The following ARID2 variants were observed in gnomAD, a reference collection of about 807,000 sequenced individuals.
The protein encoded by ARID2 is AT-rich interactive domain-containing protein 2.
Under a neutral mutation model 184.6 loss-of-function variants are expected in ARID2, and 32 were observed. That is an observed-to-expected ratio of 0.17 (90% CI 0.13 to 0.23). The LOEUF (loss-of-function observed/expected upper bound fraction) is 0.23, where lower values mean the gene tolerates loss of function less well. Among genes scored for constraint, ARID2 ranks in the 10% least tolerant of loss-of-function variants. The pLI is 1.00. For missense variants in ARID2, 1,696 were observed against 2,197.6 expected (o/e 0.77, Z 4.56); for synonymous variants, 836 against 772.6 (o/e 1.08, Z -1.36).
At chr12:45,830,093 A>G in intron 6 of ARID2, among the ~76,000 whole-genome samples, 1 of 149,866 alleles carries the variant, frequency 6.7e-6, no homozygotes, top group Middle Eastern at 3.6e-3. Context: ...AACAAAATAT[A>G]TAAATATATA....
intron 16 of ARID2, among the ~76,000 whole-genome samples, chr12:45,882,885 A>G (rs1944126757): frequency 6.6e-6 from 1 of 152,204 alleles, no homozygotes; most frequent in Non-Finnish European, 1.5e-5. Context: ...TTTAACTAAC[A>G]TATTTTTGAC....
At chr12:45,869,449 C>T (rs970275134) in intron 16 of ARID2, among the ~76,000 whole-genome samples, 5 of 151,544 alleles carry the variant, frequency 3.3e-5, no homozygotes, top group African/African-American at 7.3e-5. Context: ...GACTTTTCTT[C>T]GCATGAATTT....
rs144840023 is a variant in ARID2 at position 45,880,427 on chromosome 12, C to T, written c.4923-11353C>T. Among the ~76,000 whole-genome samples, 412 of 152,270 alleles carry T rather than the reference C, an allele frequency of 2.7e-3. 3 individuals are homozygous for T. Among genetic ancestry groups the T allele is most frequent in the African/African-American group, 9.3e-3 (387 of 41,550 alleles). On this transcript the variant is annotated intron_variant, in intron 16 of 20. Coordinates refer to ENST00000334344, the MANE Select transcript of ARID2 (RefSeq NM_152641.4). ...CAAGTGATGTTGAGGTTCAAATCAC[C>T]AGGTTCCTACTGAACCTTATACAGT...
intron 12 of ARID2, among the ~76,000 whole-genome samples, chr12:45,848,464 A>G (rs1248940563): frequency 6.6e-6 from 1 of 152,084 alleles, no homozygotes. Flanking sequence ...TACAATGCAA[A>G]TAGCACGTAA....
intron 3 of ARID2, among the ~76,000 whole-genome samples, chr12:45,763,397 G>A (rs1264989813): frequency 6.6e-6 from 1 of 151,996 alleles, no homozygotes; most frequent in Non-Finnish European, 1.5e-5. Flanking sequence ...TTGAACCCAG[G>A]AGGCGGAGGT....
chr12:45,751,187 A>G (rs1941459125), intron 3 of ARID2, among the ~76,000 whole-genome samples: 1 of 152,206 alleles, frequency 6.6e-6, no homozygotes, highest in Non-Finnish European at 1.5e-5. Context: ...AAATCGTTAG[A>G]CAAACTGGAC....
chr12:45,888,316 A>G (rs1944232398), intron 16 of ARID2, among the ~76,000 whole-genome samples: 1 of 152,376 alleles, frequency 6.6e-6, no homozygotes, highest in Non-Finnish European at 1.5e-5. Context: ...AGAGGAAGAC[A>G]AGCTCTAAAA....
intron 3 of ARID2, among the ~76,000 whole-genome samples, chr12:45,742,286 A>G (rs567567606): frequency 1.3e-5 from 2 of 152,334 alleles, no homozygotes; most frequent in South Asian, 4.1e-4. Flanking sequence ...GTGTTTAGAT[A>G]TGTTTAGATA....
chr12:45,831,793 T>C (rs1943128134), intron 6 of ARID2, among the ~76,000 whole-genome samples: 1 of 152,190 alleles, frequency 6.6e-6, no homozygotes, highest in Admixed American at 6.5e-5. Flanking sequence ...TTCAGTTCTG[T>C]CAGTTTTTAC....
intron 3 of ARID2, chr12:45,789,795 T>C (rs1414201523): frequency 6.6e-6 from 1 of 152,166 alleles, no homozygotes; most frequent in Non-Finnish European, 1.5e-5. Context: ...AATGTGACCC[T>C]TCTTGAACCA....
intron 3 of ARID2, among the ~76,000 whole-genome samples, chr12:45,752,138 C>T (rs974638465): frequency 3.9e-5 from 6 of 152,078 alleles, no homozygotes; most frequent in Non-Finnish European, 2.9e-5. Flanking sequence ...TAATAGTACA[C>T]AATTTAGAAG....
At chr12:45,738,900 C>G (rs1279906245) in intron 3 of ARID2, among the ~76,000 whole-genome samples, 1 of 149,110 alleles carries the variant, frequency 6.7e-6, no homozygotes, top group Non-Finnish European at 1.5e-5. Flanking sequence ...TTTTCAGACC[C>G]TACTTTCCCT....
chr12:45,899,466 C>T (rs1210784985), intron 20 of ARID2, among the ~76,000 whole-genome samples: 8 of 149,074 alleles, frequency 5.4e-5, no homozygotes, highest in Admixed American at 3.4e-4. Flanking sequence ...ATTAGCTGGG[C>T]GTGGTGGCGG....
intron 20 of ARID2, among the ~76,000 whole-genome samples, chr12:45,901,154 A>ATTTTTTTTTTTTTTT (rs71067909): frequency 1.1e-4 from 5 of 44,972 alleles, no homozygotes; most frequent in Admixed American, 3.1e-4. Flanking sequence ...AATTTCCTTA[A>ATTTTTTTTTTTTTTT]TTTTTTTTTT....
chr12:45,847,488 T>C (rs1364313913), intron 12 of ARID2, among the ~76,000 whole-genome samples: 5 of 152,096 alleles, frequency 3.3e-5, no homozygotes, highest in Non-Finnish European at 7.4e-5. Flanking sequence ...TAGTCCTATC[T>C]GCACCACTTT....
At chr12:45,744,164 T>G (rs978306025) in intron 3 of ARID2, among the ~76,000 whole-genome samples, 8 of 152,320 alleles carry the variant, frequency 5.3e-5, no homozygotes, top group Middle Eastern at 3.4e-3. Flanking sequence ...GGAAACATCT[T>G]TTCTTTGCCT....
chr12:45,867,917 T>C (rs1331982072), intron 16 of ARID2, among the ~76,000 whole-genome samples: 1 of 152,130 alleles, frequency 6.6e-6, no homozygotes, highest in East Asian at 1.9e-4. Flanking sequence ...CAACTATTAA[T>C]ATAATAACAT....
Position 45,780,258 on chromosome 12 carries a change from C to T in ARID2, c.285-31160C>T, listed in dbSNP as rs562181497. ...TTAGGGATGAGGGGGTAGAATTTAT[C>T]TTGAAAATTAAAATAACCATAAACA... On this transcript the variant is annotated intron_variant, in intron 3 of 20. Coordinates refer to ENST00000334344, the MANE Select transcript of ARID2 (RefSeq NM_152641.4). 5.3e-5 allele frequency among the ~76,000 whole-genome samples: 8 copies of T among 152,250 alleles called. No individual in the cohort carries two copies. In the South Asian group the frequency reaches 1.7e-3, roughly 32 times the overall value.
Position 45,891,840 on chromosome 12 carries a change from T to A in ARID2, c.4983T>A (p.Asp1661Glu), listed in dbSNP as rs2138232231. ...CAGCAACTGAACATGGAGGAAAAGA[T>A]GTATATCCAGGGCAGTGTCTTTGGG... ...YHAATEHGGKDVYPGQCLWEG... is the reference protein window; with the variant it reads ...YHAATEHGGKEVYPGQCLWEG... The change falls in exon 17 of 21, where the codon GAT (aspartate) becomes GAA (glutamate). Residue 1661 changes from aspartate to glutamate, a missense_variant. Transcript: ENST00000334344. 6.2e-7 allele frequency: 1 copy of A among 1,614,214 alleles called. No individual in the cohort carries two copies.
Sources: allele counts gnomAD v4.1 joint callset (sites outside exome capture counted in the v4.1 genomes callset), GRCh38; gene constraint gnomAD v4.1.1; transcripts MANE v1.5; gene names NCBI Gene and HGNC (gene_info 2026-07-23, HGNC 2026-07-21).